FPR3: variants seen among roughly 807,000 people sequenced by gnomAD.
FPR3 encodes formyl peptide receptor 3, also known as N-formyl peptide receptor 3.
For missense variants in FPR3, 346 were observed against 443.2 expected (o/e 0.78, Z 1.97); for synonymous variants, 135 against 163.6 (o/e 0.83, Z 1.34).
rs757548831 is a variant in FPR3 at position 51,824,646 on chromosome 19, A to G, written c.898A>G (p.Ile300Val). Residue 300 changes from isoleucine to valine, a missense_variant, in exon 2 of 2, where the codon ATT becomes GTT. Coordinates refer to ENST00000339223, the MANE Select transcript of FPR3 (RefSeq NM_002030.5). The surrounding 1 kb of genome is among the most constrained non-coding windows in gnomAD (Gnocchi z 4.7). Reference protein sequence around the residue: ...LAFFNSCLNPILYVFMGRNFQ... With the variant: ...LAFFNSCLNPVLYVFMGRNFQ... The stretch of plus-strand genomic sequence containing the variant: ...CTTTTTTAACAGCTGCCTCAACCCA[A>G]TTCTCTACGTCTTTATGGGTCGTAA... 35 of 1,613,962 alleles carry G rather than the reference A, an allele frequency of 2.2e-5. No individual in the cohort carries two copies. In the South Asian group the frequency reaches 3.1e-4, roughly 14 times the overall value.
chr19:51,798,926 C>T (rs2084014385), intron 1 of FPR3, among the ~76,000 whole-genome samples: 1 of 152,024 alleles, frequency 6.6e-6, no homozygotes, highest in Admixed American at 6.6e-5. Flanking sequence ...GACAGCCTGG[C>T]CAACATGGTG....
At chr19:51,802,769 T>C (rs1473689219) in intron 1 of FPR3, among the ~76,000 whole-genome samples, 1 of 152,234 alleles carries the variant, frequency 6.6e-6, no homozygotes, top group Non-Finnish European at 1.5e-5. Flanking sequence ...TTTTTAAGAG[T>C]TCTCTTCTTC....
chr19:51,821,245 T>C (rs1281800203), intron 1 of FPR3, among the ~76,000 whole-genome samples: 1 of 152,204 alleles, frequency 6.6e-6, no homozygotes, highest in Non-Finnish European at 1.5e-5. Flanking sequence ...AGAACCCATA[T>C]TGGCAAGGTG....
At chr19:51,820,840 T>C (rs1599840315) in intron 1 of FPR3, among the ~76,000 whole-genome samples, 1 of 152,328 alleles carries the variant, frequency 6.6e-6, no homozygotes, top group Non-Finnish European at 1.5e-5. Context: ...TAATTAAAAC[T>C]AAGGTTAGTC....
At chr19:51,820,480 G>A (rs773947555) in intron 1 of FPR3, among the ~76,000 whole-genome samples, 3 of 152,164 alleles carry the variant, frequency 2.0e-5, no homozygotes, top group African/African-American at 7.2e-5. Flanking sequence ...TCTGGTCCAC[G>A]GTTCTCTTCT....
intron 1 of FPR3, among the ~76,000 whole-genome samples, chr19:51,822,232 C>G (rs1458429764): frequency 2.0e-5 from 3 of 152,172 alleles, no homozygotes; most frequent in Non-Finnish European, 4.4e-5. Context: ...CCAGGATATC[C>G]TCCCATAGTG....
intron 1 of FPR3, among the ~76,000 whole-genome samples, chr19:51,795,570 G>A (rs897774559): frequency 4.6e-5 from 6 of 130,256 alleles, no homozygotes; most frequent in Admixed American, 1.7e-4. Context: ...CTGGAGTGCA[G>A]TGGCACAATC....
chr19:51,824,497 TC>T lies in FPR3; in HGVS notation c.750del (p.Phe251SerfsTer9). 6.2e-7 allele frequency: 1 copy of T among 1,614,074 alleles called. No homozygotes were observed. The highest frequency in any genetic ancestry group is 8.5e-7 in the Non-Finnish European group (1 of 1,179,982). On this transcript the variant is annotated frameshift_variant, in exon 2 of 2. Transcript: ENST00000339223. LOFTEE classifies it low-confidence loss of function (END_TRUNC). This position sits in a 1 kb window ranked among gnomAD's most constrained non-coding sequence, Gnocchi z 4.7. ...GTCTTCGCTGCTGTGGTGGCTTCTT[TC>T]TTCATCTGTTGGTTCCCTTATGAAC... ...LRVFAAVVAS[F>X]FICWFPYELI...
At chr19:51,796,911 A>C (rs55999853) in intron 1 of FPR3, among the ~76,000 whole-genome samples, 1 of 152,182 alleles carries the variant, frequency 6.6e-6, no homozygotes, top group Admixed American at 6.5e-5. Context: ...ATAATGGTTT[A>C]ATCCCAGAGA....
intron 1 of FPR3, among the ~76,000 whole-genome samples, chr19:51,804,387 T>C (rs2084044233): frequency 6.6e-6 from 1 of 152,200 alleles, no homozygotes; most frequent in Non-Finnish European, 1.5e-5. Flanking sequence ...GGAAATTAAA[T>C]ACATCATATG....
chr19:51,816,118 G>A (rs773296714), intron 1 of FPR3, among the ~76,000 whole-genome samples: 17 of 151,900 alleles, frequency 1.1e-4, no homozygotes, highest in African/African-American at 4.1e-4. Context: ...TCTTGAGTTG[G>A]TGAACACAAA....
rs2084144589 is a variant in FPR3 at position 51,817,313 on chromosome 19, TAG to T, written c.-10-6423_-10-6422del. Reference sequence around the variant, plus strand: ...CTACACTCAACAAACAAAACCAAAATAGAGTCACTCATACTAAAGTTCTATGT... The same window carrying T: ...CTACACTCAACAAACAAAACCAAAATAGTCACTCATACTAAAGTTCTATGT... On this transcript the variant is annotated intron_variant, in intron 1 of 1. Transcript: ENST00000339223. Among the ~76,000 whole-genome samples the T allele has an allele frequency of 2.0e-5, 3 of 152,040 alleles. No individual in the cohort carries two copies. The South Asian group carries it at 6.2e-4, about 32-fold the overall frequency.
At chr19:51,801,318 T>C (rs1051629589) in intron 1 of FPR3, among the ~76,000 whole-genome samples, 3 of 152,012 alleles carry the variant, frequency 2.0e-5, no homozygotes, top group Non-Finnish European at 4.4e-5. Context: ...ATATAATAGA[T>C]AAATTATGTA....
At chr19:51,815,963 A>C (rs2084133408) in intron 1 of FPR3, among the ~76,000 whole-genome samples, 2 of 151,866 alleles carry the variant, frequency 1.3e-5, no homozygotes, top group African/African-American at 4.8e-5. Context: ...GCAACTCAGG[A>C]GGCTGAGGTG....
At chr19:51,813,985 A>G (rs1390172949) in intron 1 of FPR3, among the ~76,000 whole-genome samples, 2 of 152,222 alleles carry the variant, frequency 1.3e-5, no homozygotes, top group African/African-American at 4.8e-5. Context: ...CCCCTGGAAG[A>G]AAGCCAATAG....
chr19:51,796,015 TACTAGTGTGGAGGGTATTTAAG>T, intron 1 of FPR3, among the ~76,000 whole-genome samples: 1 of 152,208 alleles, frequency 6.6e-6, no homozygotes, highest in Non-Finnish European at 1.5e-5. Flanking sequence ...GGAGCTTACG[TACTAGTGTGGAGGGTATTTAAG>T]AGAGAAGATA....
intron 1 of FPR3, among the ~76,000 whole-genome samples, chr19:51,796,276 T>C (rs973231258): frequency 1.3e-5 from 2 of 152,144 alleles, no homozygotes; most frequent in Admixed American, 1.3e-4. Flanking sequence ...TTCAAGGAAT[T>C]AGAGCCCAGT....
At position 51,824,655 on chromosome 19, in the gene FPR3, G is replaced by T. The variant is rs374026779; in HGVS notation, c.907G>T (p.Val303Phe). Reference protein sequence around the residue: ...FNSCLNPILYVFMGRNFQERL... With the variant: ...FNSCLNPILYFFMGRNFQERL... ...CAGCTGCCTCAACCCAATTCTCTAC[G>T]TCTTTATGGGTCGTAACTTCCAAGA... Residue 303 changes from valine (V) to phenylalanine (F), a missense_variant, in exon 2 of 2, where the codon GTC (valine) becomes TTC (phenylalanine). By Grantham distance (50) the Val-to-Phe change is conservative (BLOSUM62 -1). Transcript: ENST00000339223. The surrounding 1 kb of genome is among the most constrained non-coding windows in gnomAD (Gnocchi z 4.7). 6.2e-7 allele frequency: 1 copy of T among 1,613,994 alleles called. No individual in the cohort carries two copies. Among genetic ancestry groups the T allele is most frequent in the Non-Finnish European group, 8.5e-7 (1 of 1,180,006 alleles).
rs558100137 is a variant in FPR3 at position 51,824,332 on chromosome 19, T to C, written c.584T>C (p.Ile195Thr). Residue 195 changes from isoleucine to threonine, a missense_variant, in exon 2 of 2, where the codon ATT (isoleucine) becomes ACT (threonine). Physicochemically the swap from Ile to Thr is moderately conservative, Grantham distance 89. Transcript: ENST00000339223. The surrounding 1 kb of genome is among the most constrained non-coding windows in gnomAD (Gnocchi z 4.7). Reference sequence around the variant, plus strand: ...GCTGTAGAGAGGTTGAACGTGTTCATTACCATGGCCAAGGTCTTTCTGATC... The same window carrying C: ...GCTGTAGAGAGGTTGAACGTGTTCACTACCATGGCCAAGGTCTTTCTGATC... ...DTAVERLNVF[I>T]TMAKVFLILH... 3.1e-6 allele frequency: 5 copies of C among 1,614,190 alleles called. No homozygotes were observed. The highest frequency in any genetic ancestry group is 2.2e-5 in the East Asian group (1 of 44,878).
Sources: allele counts gnomAD v4.1 joint callset (sites outside exome capture counted in the v4.1 genomes callset), GRCh38; gene constraint gnomAD v4.1.1; non-coding constraint Gnocchi (gnomAD v3.1); transcripts MANE v1.5; gene names NCBI Gene and HGNC (gene_info 2026-07-23, HGNC 2026-07-21).